Variants in PRRG1 observed in about 807,000 individuals in gnomAD.
PRRG1 encodes transmembrane gamma-carboxyglutamic acid protein 1.
In PRRG1, 5 loss-of-function variants were observed where a neutral mutation model predicts 11.8. The ratio of observed to expected loss-of-function variants is 0.42; its 90% CI spans 0.22 to 0.89. The LOEUF (loss-of-function observed/expected upper bound fraction) is 0.89, where lower values mean the gene tolerates loss of function less well. PRRG1 is among the 40% of genes least tolerant of loss of function. The pLI, the probability that PRRG1 is intolerant of heterozygous loss-of-function variation, is 0.28. For synonymous variants in PRRG1, 66 were observed against 60.4 expected (o/e 1.09, Z -0.43); for missense variants, 155 against 166.1 (o/e 0.93, Z 0.37).
intron 1 of PRRG1, among the ~76,000 whole-genome samples, chrX:37,378,032 C>A (rs1442826432): frequency 1.8e-5 from 2 of 111,767 alleles, no homozygotes; most frequent in Admixed American, 1.9e-4. Context: ...TGAGTGAACA[C>A]TGAAAATGTG....
intron 1 of PRRG1, among the ~76,000 whole-genome samples, chrX:37,395,307 T>C (rs1388452932): frequency 8.9e-6 from 1 of 111,770 alleles, no homozygotes; most frequent in African/African-American, 3.3e-5. Flanking sequence ...CACGCTTGTA[T>C]GTGTCTATTA....
chrX:37,350,577 T>A (rs1556364587), intron 1 of PRRG1, among the ~76,000 whole-genome samples: 1 of 111,782 alleles, frequency 8.9e-6, no homozygotes, highest in African/African-American at 3.3e-5. Flanking sequence ...AATATTGTAA[T>A]ATTGGATAAA....
intron 1 of PRRG1, among the ~76,000 whole-genome samples, chrX:37,369,064 T>C (rs1930674200): frequency 8.9e-6 from 1 of 112,113 alleles, no homozygotes; most frequent in African/African-American, 3.2e-5. Context: ...ATTTGGTTTA[T>C]ATAGAGGAAA....
chrX:37,441,838 C>T, intron 3 of PRRG1: 1 of 784,658 alleles, frequency 1.3e-6, no homozygotes, highest in Non-Finnish European at 1.5e-6. Context: ...GTGCGCCTTC[C>T]ACCTGGAGAA....
At chrX:37,411,595 AT>A (rs1248451569) in intron 2 of PRRG1, among the ~76,000 whole-genome samples, 1 of 111,330 alleles carries the variant, frequency 9.0e-6, no homozygotes, top group African/African-American at 3.3e-5. Flanking sequence ...TTCCATCTGA[AT>A]TTTTTTCTAT....
At chrX:37,426,611 T>G in intron 3 of PRRG1, among the ~76,000 whole-genome samples, 1 of 111,427 alleles carries the variant, frequency 9.0e-6, no homozygotes, top group Middle Eastern at 4.2e-3. Flanking sequence ...GCTAAACAAG[T>G]GGTGTCACTT....
chrX:37,406,871 A>T (rs1190652461), intron 2 of PRRG1, among the ~76,000 whole-genome samples: 4 of 111,625 alleles, frequency 3.6e-5, no homozygotes, highest in Non-Finnish European at 7.5e-5. Context: ...ATTCTAATTA[A>T]TGTATATCAT....
intron 1 of PRRG1, among the ~76,000 whole-genome samples, chrX:37,396,812 C>A (rs1213953854): frequency 7.2e-5 from 8 of 111,138 alleles, no homozygotes; most frequent in Non-Finnish European, 1.5e-4. Context: ...AACTTTGACA[C>A]TATTGACATT....
intron 1 of PRRG1, among the ~76,000 whole-genome samples, chrX:37,383,753 A>G (rs1931227168): frequency 9.0e-6 from 1 of 111,053 alleles, no homozygotes; most frequent in Non-Finnish European, 1.9e-5. Flanking sequence ...AAATACCTGA[A>G]CTTCTTATAT....
intron 1 of PRRG1, among the ~76,000 whole-genome samples, chrX:37,387,790 T>A (rs1931380183): frequency 9.0e-6 from 1 of 111,392 alleles, no homozygotes; most frequent in African/African-American, 3.3e-5. Flanking sequence ...AATACAATCA[T>A]GCCTTCCCAA....
chrX:37,378,064 T>A (rs1391541946), intron 1 of PRRG1, among the ~76,000 whole-genome samples: 1 of 112,143 alleles, frequency 8.9e-6, no homozygotes, highest in African/African-American at 3.2e-5. Flanking sequence ...TAGACCAGAA[T>A]AGCAAGGTGA....
At chrX:37,404,117 A>G (rs1556381329) in intron 1 of PRRG1, among the ~76,000 whole-genome samples, 1 of 111,955 alleles carries the variant, frequency 8.9e-6, no homozygotes, top group Non-Finnish European at 1.9e-5. Flanking sequence ...TCTTTTCTAA[A>G]AGACTTTATT....
intron 1 of PRRG1, among the ~76,000 whole-genome samples, chrX:37,367,815 C>T (rs1391194885): frequency 8.9e-5 from 10 of 112,273 alleles, no homozygotes; most frequent in African/African-American, 2.9e-4. Context: ...GTATATGTTC[C>T]TGTATTGTGC....
rs782801962 is a variant in PRRG1, at chrX:37,359,912, C to T, written c.-42+10517C>T. Among the ~76,000 whole-genome samples, 6 of 111,807 alleles carry T rather than the reference C, an allele frequency of 5.4e-5. No individual in the cohort carries two copies. The South Asian group carries it at 2.2e-3, about 42-fold the overall frequency. ...TCCATTTCAAGGAATTGGTCCATTT[C>T]ATCTAGCTTATCAAATTTGTGGGGA... On this transcript the variant is annotated intron_variant, in intron 1 of 3. Transcript: ENST00000378628.
intron 3 of PRRG1, among the ~76,000 whole-genome samples, chrX:37,445,530 T>G (rs1306311297): frequency 1.8e-5 from 2 of 112,365 alleles, no homozygotes; most frequent in Non-Finnish European, 3.8e-5. Flanking sequence ...ATACTGATGC[T>G]TGAACTTAAA....
At chrX:37,371,328 C>T (rs1930755625) in intron 1 of PRRG1, among the ~76,000 whole-genome samples, 1 of 112,033 alleles carries the variant, frequency 8.9e-6, no homozygotes, top group East Asian at 2.8e-4. Context: ...ATGTGGGTCT[C>T]CTCTGAGCTG....
intron 1 of PRRG1, among the ~76,000 whole-genome samples, chrX:37,389,056 G>C (rs1931434259): frequency 8.9e-6 from 1 of 111,739 alleles, no homozygotes; most frequent in Admixed American, 9.5e-5. Context: ...AGATCCCTAG[G>C]GTGGGGGTAC....
intron 3 of PRRG1, among the ~76,000 whole-genome samples, chrX:37,428,891 G>T (rs1932799464): frequency 8.9e-6 from 1 of 112,804 alleles, no homozygotes; most frequent in Non-Finnish European, 1.9e-5. Flanking sequence ...TCTAGGCAGG[G>T]ATTCCCAAAC....
At chrX:37,402,293 G>A (rs1264191954) in intron 1 of PRRG1, among the ~76,000 whole-genome samples, 4 of 111,301 alleles carry the variant, frequency 3.6e-5, no homozygotes, top group Non-Finnish European at 7.5e-5. Context: ...CAGACATATA[G>A]ACCAATGGAA....
Sources: allele counts gnomAD v4.1 joint callset (sites outside exome capture counted in the v4.1 genomes callset), GRCh38; gene constraint gnomAD v4.1.1; transcripts MANE v1.5; gene names NCBI Gene and HGNC (gene_info 2026-07-23, HGNC 2026-07-21).